THRB: variants seen among roughly 807,000 people sequenced by gnomAD.
The protein encoded by THRB is nuclear receptor subfamily 1 group A member 2.
In THRB, 12 loss-of-function variants were observed where a neutral mutation model predicts 47.8. The ratio of observed to expected loss-of-function variants is 0.25; its 90% CI spans 0.16 to 0.41. The LOEUF (loss-of-function observed/expected upper bound fraction) is 0.41. THRB is among the 10% of genes least tolerant of loss of function. The pLI is 1.00. For synonymous variants in THRB, 218 were observed against 212.2 expected (o/e 1.03, Z -0.24); for missense variants, 348 against 589.2 (o/e 0.59, Z 4.24).
intron 1 of THRB, among the ~76,000 whole-genome samples, chr3:24,388,863 G>A (rs1049747473): frequency 4.6e-5 from 7 of 152,060 alleles, no homozygotes; most frequent in African/African-American, 1.7e-4. Flanking sequence ...CCCACAAAAT[G>A]TACTCTCTGT....
At chr3:24,289,773 T>C (rs2055729821) in intron 3 of THRB, among the ~76,000 whole-genome samples, 1 of 152,242 alleles carries the variant, frequency 6.6e-6, no homozygotes, top group South Asian at 2.1e-4. Context: ...TATTTTTAAA[T>C]ACCTTGAGGC....
At chr3:24,382,893 C>T (rs1236934010) in intron 1 of THRB, among the ~76,000 whole-genome samples, 2 of 152,082 alleles carry the variant, frequency 1.3e-5, no homozygotes, top group South Asian at 2.1e-4. Context: ...ATCCAGTCTA[C>T]ACTCTAACCA....
intron 1 of THRB, among the ~76,000 whole-genome samples, chr3:24,418,594 C>G (rs934546776): frequency 1.3e-4 from 20 of 151,918 alleles, no homozygotes; most frequent in Admixed American, 3.9e-4. Context: ...CACATGCACA[C>G]CTTCATCCCC....
chr3:24,304,802 T>C lies in THRB; in HGVS notation c.-188-7431A>G, dbSNP rs1266049747. 2.0e-5 allele frequency among the ~76,000 whole-genome samples: 3 copies of C among 152,160 alleles called. No individual in the cohort carries two copies. In the East Asian group the frequency reaches 5.8e-4, roughly 29 times the overall value. Reference sequence around the variant, plus strand: ...TTAAAGGAAGAAGAGGGGGAAATACTAGGATTGAGCAAATAGAGAAAAACA... The same window carrying C: ...TTAAAGGAAGAAGAGGGGGAAATACCAGGATTGAGCAAATAGAGAAAAACA... On this transcript the variant is annotated intron_variant, in intron 2 of 10. Transcript: ENST00000646209.
chr3:24,184,565 C>T (rs949911613), intron 5 of THRB, among the ~76,000 whole-genome samples: 1 of 152,144 alleles, frequency 6.6e-6, no homozygotes, highest in Non-Finnish European at 1.5e-5. Context: ...TAGCTTTTCT[C>T]CCCCTTGGCT....
intron 5 of THRB, among the ~76,000 whole-genome samples, chr3:24,184,585 T>G (rs905785792): frequency 2.6e-5 from 4 of 152,192 alleles, no homozygotes; most frequent in African/African-American, 9.7e-5. Flanking sequence ...TTTCTATTTC[T>G]GTCTGCCCCA....
chr3:24,151,493 A>T (rs1309251187), intron 6 of THRB, among the ~76,000 whole-genome samples: 2 of 152,206 alleles, frequency 1.3e-5, no homozygotes, highest in African/African-American at 4.8e-5. Context: ...TTTAGTTTTA[A>T]ATATAAGAGG....
chr3:24,327,015 A>G lies in THRB; in HGVS notation c.-189+10285T>C, dbSNP rs941200627. Among the ~76,000 whole-genome samples, 3 of 151,940 alleles carry G rather than the reference A, an allele frequency of 2.0e-5. No homozygotes were observed. In the East Asian group the frequency reaches 5.8e-4, roughly 29 times the overall value. On this transcript the variant is annotated intron_variant, in intron 2 of 10. Coordinates refer to ENST00000646209, the MANE Select transcript of THRB (RefSeq NM_001354712.2). ...CCTGACCTCATGATCCGCCCGCCTCAGCTTCCCAAAGTGATGGGATTACAG... is the reference window on the plus strand; with the variant it reads ...CCTGACCTCATGATCCGCCCGCCTCGGCTTCCCAAAGTGATGGGATTACAG...
At chr3:24,476,896 A>C (rs971943408) in intron 1 of THRB, among the ~76,000 whole-genome samples, 2 of 152,338 alleles carry the variant, frequency 1.3e-5, no homozygotes, top group Admixed American at 1.3e-4. Flanking sequence ...CAACTGAAGA[A>C]AATGATCTCA....
At chr3:24,251,380 A>T (rs1406674252) in intron 3 of THRB, among the ~76,000 whole-genome samples, 3 of 152,140 alleles carry the variant, frequency 2.0e-5, no homozygotes, top group Admixed American at 1.3e-4. Flanking sequence ...TCTCATGTGT[A>T]AAGATATCCC....
At chr3:24,269,388 C>CGCGTGT (rs2053036908) in intron 3 of THRB, among the ~76,000 whole-genome samples, 2 of 39,668 alleles carry the variant, frequency 5.0e-5, no homozygotes, top group African/African-American at 1.8e-4. Context: ...ATAGCTCACA[C>CGCGTGT]GCGCGCGCGC....
At chr3:24,131,280 TA>T (rs2033822936) in intron 9 of THRB, among the ~76,000 whole-genome samples, 1 of 152,234 alleles carries the variant, frequency 6.6e-6, no homozygotes, top group Non-Finnish European at 1.5e-5. Context: ...AGTGTTACCA[TA>T]AATCATTACC....
At chr3:24,236,431 G>A (rs926946088) in intron 3 of THRB, among the ~76,000 whole-genome samples, 1 of 152,040 alleles carries the variant, frequency 6.6e-6, no homozygotes, top group Non-Finnish European at 1.5e-5. Flanking sequence ...CAAATGTAAG[G>A]TATTGGGAGA....
intron 2 of THRB, among the ~76,000 whole-genome samples, chr3:24,299,769 TTTTA>T (rs776166696): frequency 5.6e-4 from 39 of 70,214 alleles, no homozygotes; most frequent in South Asian, 9.2e-4. Context: ...AAGTATGCTT[TTTTA>T]TTTATTTATT....
intron 5 of THRB, among the ~76,000 whole-genome samples, chr3:24,187,575 CA>C (rs2042760582): frequency 1.3e-5 from 2 of 152,114 alleles, no homozygotes; most frequent in Admixed American, 1.3e-4. Context: ...ACATCAAGGG[CA>C]ATATCCTGTA....
intron 3 of THRB, among the ~76,000 whole-genome samples, chr3:24,242,993 C>CAA (rs2049707489): frequency 1.4e-5 from 2 of 144,764 alleles, no homozygotes; most frequent in Non-Finnish European, 3.0e-5. Context: ...AAAGTCAAAT[C>CAA]AGGGGGACTA....
At chr3:24,275,775 T>C (rs1256926751) in intron 3 of THRB, among the ~76,000 whole-genome samples, 2 of 152,230 alleles carry the variant, frequency 1.3e-5, no homozygotes, top group African/African-American at 4.8e-5. Flanking sequence ...GTTCTTGGTG[T>C]ACAGTTGAAT....
intron 1 of THRB, among the ~76,000 whole-genome samples, chr3:24,410,617 G>A (rs1243064495): frequency 2.6e-5 from 4 of 151,616 alleles, no homozygotes; most frequent in Admixed American, 2.0e-4. Context: ...ATTACCTGAT[G>A]AGCCATTATA....
At chr3:24,294,988 A>G (rs192740165) in intron 3 of THRB, among the ~76,000 whole-genome samples, 50 of 152,344 alleles carry the variant, frequency 3.3e-4, no homozygotes, top group Admixed American at 2.9e-3. Context: ...TGAATTCAAT[A>G]AAATCCATGT....
Sources: allele counts gnomAD v4.1 joint callset (sites outside exome capture counted in the v4.1 genomes callset), GRCh38; gene constraint gnomAD v4.1.1; transcripts MANE v1.5; gene names NCBI Gene and HGNC (gene_info 2026-07-23, HGNC 2026-07-21).